Variants in SLIT1 observed in about 807,000 individuals in gnomAD.
SLIT1 encodes slit homolog 1 protein.
Under a neutral mutation model 186.1 loss-of-function variants are expected in SLIT1, and 66 were observed. That is an observed-to-expected ratio of 0.35 (90% confidence interval 0.29 to 0.44). SLIT1 has a LOEUF of 0.44. Ranked by LOEUF, SLIT1 falls within the 20% of genes least tolerant of loss-of-function variation. The pLI is 1.00. For missense variants in SLIT1, 1,638 were observed against 2,037.4 expected (o/e 0.80, Z 3.77); for synonymous variants, 761 against 833.8 (o/e 0.91, Z 1.50).
chr10:97,125,642 C>A (rs1486456797), intron 4 of SLIT1, among the ~76,000 whole-genome samples: 3 of 151,556 alleles, frequency 2.0e-5, no homozygotes, highest in Admixed American at 2.0e-4. Flanking sequence ...AGTTAGAGAC[C>A]AGCCTGGCCA....
chr10:97,123,562 G>A (rs2134689165), intron 4 of SLIT1, among the ~76,000 whole-genome samples: 1 of 152,220 alleles, frequency 6.6e-6, no homozygotes, highest in South Asian at 2.1e-4. Context: ...TGAGGCAGGT[G>A]GATCACTTGA....
At chr10:97,059,081 G>A (rs1271982320) in intron 11 of SLIT1, among the ~76,000 whole-genome samples, 1 of 152,212 alleles carries the variant, frequency 6.6e-6, no homozygotes, top group Non-Finnish European at 1.5e-5. Context: ...CTGGCCCTGC[G>A]GTGACTGCAG....
intron 4 of SLIT1, among the ~76,000 whole-genome samples, chr10:97,130,483 C>T (rs1230531715): frequency 6.6e-6 from 1 of 152,196 alleles, no homozygotes; most frequent in African/African-American, 2.4e-5. Context: ...TGACATTATG[C>T]CTCGTGAAAT....
intron 5 of SLIT1, 136 bp from the exon 6 acceptor site, chr10:97,065,012 C>A: frequency 1.9e-6 from 1 of 517,348 alleles, no homozygotes; most frequent in Non-Finnish European, 3.4e-6. Context: ...TGTGTCAATC[C>A]AAATAGCGAA....
chr10:97,068,688 G>A lies in SLIT1; in HGVS notation c.414-2602C>T, dbSNP rs1325195256. On this transcript the variant is annotated intron_variant, in intron 4 of 36. Transcript: ENST00000266058. This position sits in a 1 kb window ranked among gnomAD's most constrained non-coding sequence, Gnocchi z 4.2. Reference sequence around the variant, plus strand: ...GGGGAAGCTTCCTCCTCCCGCACTCGCCCGGCCCCACCTTCCCTTCCTGCT... The same window carrying A: ...GGGGAAGCTTCCTCCTCCCGCACTCACCCGGCCCCACCTTCCCTTCCTGCT... Among the ~76,000 whole-genome samples the A allele has an allele frequency of 1.3e-5, 2 of 152,074 alleles. No individual in the cohort carries two copies. Among genetic ancestry groups the A allele is most frequent in the South Asian group, 2.1e-4 (1 of 4,814 alleles).
chr10:97,004,288 A>T lies in SLIT1; in HGVS notation c.3711-66T>A, dbSNP rs1848339855. 1.2e-5 allele frequency: 18 copies of T among 1,509,316 alleles called. No individual in the cohort carries two copies. The highest frequency in any genetic ancestry group is 1.4e-5 in the Non-Finnish European group (16 of 1,107,008). 93.5% of individuals were successfully genotyped at this position (1,509,316 alleles called of 1,614,324 possible). Reference sequence around the variant, plus strand: ...CAGTCTGGACCATCCCTGCCTGGGCACTTCCCCAGAAACACCAGTAGCTGC... The same window carrying T: ...CAGTCTGGACCATCCCTGCCTGGGCTCTTCCCCAGAAACACCAGTAGCTGC... On this transcript the variant is annotated intron_variant, in intron 33 of 36. Coordinates refer to ENST00000266058, the MANE Select transcript of SLIT1 (RefSeq NM_003061.3). The surrounding 1 kb of genome is among the most constrained non-coding windows in gnomAD (Gnocchi z 5.1).
chr10:97,062,048 G>A (rs943727866), intron 8 of SLIT1, among the ~76,000 whole-genome samples: 4 of 152,118 alleles, frequency 2.6e-5, no homozygotes, highest in Non-Finnish European at 4.4e-5. Flanking sequence ...TAGAAACCAC[G>A]GTCTTCCAAA....
Position 97,185,568 on chromosome 10 carries a change from G to C in SLIT1, c.107C>G (p.Ala36Gly), listed in dbSNP as rs747747367. The change falls in exon 1 of 37, where the codon GCC becomes GGC. Residue 36 changes from alanine (A) to glycine (G), a missense_variant. Ala to Gly is a moderately conservative substitution (Grantham distance 60). Coordinates refer to ENST00000266058, the MANE Select transcript of SLIT1 (RefSeq NM_003061.3). ...CGTGGTTCCGGTGCAGGTGCAGAGGGCGGGGCACGCCGAGGCACCCAGGCG... is the reference window on the plus strand; with the variant it reads ...CGTGGTTCCGGTGCAGGTGCAGAGGCCGGGGCACGCCGAGGCACCCAGGCG... ...AWRLGASACP[A>G]LCTCTGTTVD... The C allele has an allele frequency of 6.2e-7, 1 of 1,608,944 alleles. No individual in the cohort carries two copies. Among genetic ancestry groups the C allele is most frequent in the Non-Finnish European group, 8.5e-7 (1 of 1,178,416 alleles).
intron 32 of SLIT1, among the ~76,000 whole-genome samples, chr10:97,005,777 G>A (rs968361173): frequency 6.6e-5 from 10 of 152,240 alleles, no homozygotes; most frequent in African/African-American, 1.4e-4. Flanking sequence ...AGCAGAATGC[G>A]CATGTTTGAG....
rs147137291 is a variant in SLIT1 at position 97,052,500 on chromosome 10, G to C, written c.1302-3382C>G. On this transcript the variant is annotated intron_variant, in intron 13 of 36. Transcript: ENST00000266058. The stretch of plus-strand genomic sequence containing the variant: ...AGCTGAGTCTGGAAATGGGGACAAG[G>C]GATTTGGAAGGGAAGGTGATGGAAA... 5.9e-3 allele frequency among the ~76,000 whole-genome samples: 897 copies of C among 152,314 alleles called. 8 individuals are homozygous for C. The highest frequency in any genetic ancestry group is 0.018 in the African/African-American group (755 of 41,558).
intron 7 of SLIT1, 27 bp downstream of exon 7, chr10:97,064,141 C>T (rs377348387): frequency 1.6e-4 from 261 of 1,595,340 alleles, no homozygotes; most frequent in Non-Finnish European, 2.0e-4. Context: ...TTGGCTGCCC[C>T]GCTCCCAGCT....
intron 5 of SLIT1, 48 bp from the exon 6 acceptor site, chr10:97,064,924 TA>T: frequency 6.8e-7 from 1 of 1,480,784 alleles, no homozygotes; most frequent in South Asian, 1.2e-5. Context: ...TTGCCTAGAG[TA>T]AGGGTGTCCA....
intron 7 of SLIT1, among the ~76,000 whole-genome samples, 162 bp downstream of exon 7, chr10:97,064,006 C>T (rs562696686): frequency 5.9e-5 from 9 of 152,218 alleles, no homozygotes; most frequent in East Asian, 1.9e-4. Flanking sequence ...TAACTCCTTC[C>T]GCCTCCGAGA....
chr10:97,034,287 A>G (rs1421287604), intron 23 of SLIT1, among the ~76,000 whole-genome samples, 184 bp downstream of exon 23: 1 of 152,182 alleles, frequency 6.6e-6, no homozygotes, highest in Non-Finnish European at 1.5e-5. Context: ...TATATGCCAT[A>G]TGTTGTATTT....
In SLIT1 at chr10:97,065,673, T is replaced by C. The variant is rs1589380348; in HGVS notation, c.485+342A>G. On this transcript the variant is annotated intron_variant, in intron 5 of 36. Transcript: ENST00000266058. ...ATGTATGTGTAACTAGAAGAGAAGA[T>C]TCAAACCCAGCTCTCCCAACCCAAA... The C allele has an allele frequency of 4.9e-5, 12 of 245,088 alleles. No individual in the cohort carries two copies. In the South Asian group the frequency reaches 7.2e-4, roughly 15 times the overall value. 15.2% of individuals were successfully genotyped at this position (245,088 alleles called of 1,614,324 possible).
intron 1 of SLIT1, among the ~76,000 whole-genome samples, chr10:97,176,501 C>G (rs1414435085): frequency 6.6e-6 from 1 of 152,286 alleles, no homozygotes; most frequent in Non-Finnish European, 1.5e-5. Flanking sequence ...GAGCCTGCTC[C>G]CCCTCAGAGC....
intron 4 of SLIT1, among the ~76,000 whole-genome samples, chr10:97,138,397 T>G (rs1849724850): frequency 6.6e-6 from 1 of 152,250 alleles, no homozygotes; most frequent in African/African-American, 2.4e-5. Context: ...CAGCGAGGGA[T>G]GCACTCTTGC....
At chr10:97,129,532 C>G (rs527952941) in intron 4 of SLIT1, among the ~76,000 whole-genome samples, 1 of 152,202 alleles carries the variant, frequency 6.6e-6, no homozygotes, top group East Asian at 1.9e-4. Context: ...ACTGTTGCAG[C>G]TAGAGCATCT....
intron 4 of SLIT1, among the ~76,000 whole-genome samples, chr10:97,084,390 C>A (rs1410195658): frequency 6.6e-6 from 1 of 152,166 alleles, no homozygotes; most frequent in Non-Finnish European, 1.5e-5. Flanking sequence ...AGAGCTGTTG[C>A]AATATCTGGG....
Sources: allele counts gnomAD v4.1 joint callset (sites outside exome capture counted in the v4.1 genomes callset), GRCh38; gene constraint gnomAD v4.1.1; non-coding constraint Gnocchi (gnomAD v3.1); transcripts MANE v1.5; gene names NCBI Gene and HGNC (gene_info 2026-07-23, HGNC 2026-07-21).